The following GNAI1 variants were observed in gnomAD, a reference collection of about 807,000 sequenced individuals.
GNAI1 encodes the protein guanine nucleotide-binding protein G(i) subunit alpha-1.
Under a neutral mutation model 38.9 loss-of-function variants are expected in GNAI1, and 11 were observed. The ratio of observed to expected loss-of-function variants is 0.28; its 90% CI spans 0.18 to 0.47. GNAI1 has a LOEUF of 0.47. GNAI1 is among the 20% of genes least tolerant of loss of function. The pLI is 0.99. For synonymous variants in GNAI1, 166 were observed against 145.1 expected (o/e 1.14, Z -1.04); for missense variants, 317 against 436.9 (o/e 0.73, Z 2.45).
intron 3 of GNAI1, among the ~76,000 whole-genome samples, chr7:80,189,542 G>A (rs759390537): frequency 3.5e-4 from 54 of 152,134 alleles, no homozygotes; most frequent in Non-Finnish European, 5.7e-4. Flanking sequence ...TTTTAGTACT[G>A]AGTAAACTGC....
chr7:80,135,565 C>A (rs1302187009), intron 1 of GNAI1: 1 of 325,510 alleles, frequency 3.1e-6, no homozygotes, highest in Admixed American at 5.1e-5. Context: ...TCCGAGGCGG[C>A]GGGTCGCGTG....
At chr7:80,214,440 A>G (rs1387066311) in intron 7 of GNAI1, among the ~76,000 whole-genome samples, 4 of 152,196 alleles carry the variant, frequency 2.6e-5, no homozygotes, top group Non-Finnish European at 1.5e-5. Context: ...TAAATATTGT[A>G]TACCTACGGG....
chr7:80,222,200 G>T lies in GNAI1; in HGVS notation c.*4707G>T, dbSNP rs762859494. ...GCACAGACAGGAATCAGCTGCAATT[G>T]TCCAAGCCAGAGCTGATTAGGCCTC... is the stretch of plus-strand genomic sequence containing the variant. On this transcript the variant is annotated 3_prime_UTR_variant, in exon 8 of 8. Transcript: ENST00000649796. 1.1e-4 allele frequency among the ~76,000 whole-genome samples: 16 copies of T among 151,916 alleles called. No homozygotes were observed. The highest frequency in any genetic ancestry group is 2.2e-4 in the Non-Finnish European group (15 of 67,960).
chr7:80,136,032 T>TG, intron 1 of GNAI1: 1 of 985,542 alleles, frequency 1.0e-6, no homozygotes, highest in Non-Finnish European at 1.2e-6. Context: ...AACAGGGTTC[T>TG]GTCTCCGCTG....
chr7:80,179,961 A>G lies in GNAI1; in HGVS notation c.119-8990A>G, dbSNP rs1788260860. Among the ~76,000 whole-genome samples, 2 of 152,142 alleles carry G rather than the reference A, an allele frequency of 1.3e-5. 1 individual carries two copies. The highest frequency in any genetic ancestry group is 4.2e-4 in the South Asian group (2 of 4,818). ...ATTTTTTGCCGTAGAAGGAGACATT[A>G]TCTGTATCTTCTTGTCTCTGCAAAT... is the stretch of plus-strand genomic sequence containing the variant. On this transcript the variant is annotated intron_variant, in intron 1 of 7. Coordinates refer to ENST00000649796, the MANE Select transcript of GNAI1 (RefSeq NM_002069.6).
chr7:80,137,317 CTTTTT>C (rs398005254), intron 1 of GNAI1, among the ~76,000 whole-genome samples: 1 of 53,996 alleles, frequency 1.9e-5, no homozygotes, highest in African/African-American at 6.8e-5. Flanking sequence ...CTTTTCTTTT[CTTTTT>C]TTTTTTTTTT....
intron 1 of GNAI1, among the ~76,000 whole-genome samples, chr7:80,166,006 C>T (rs1788005339): frequency 6.6e-6 from 1 of 152,026 alleles, no homozygotes; most frequent in Non-Finnish European, 1.5e-5. Context: ...TTTGCTTAAT[C>T]TTTGTTTATT....
chr7:80,142,853 A>ATAAT (rs3039920), intron 1 of GNAI1, among the ~76,000 whole-genome samples: 137,328 of 151,988 alleles, frequency 0.9, 62,822 homozygotes, highest in Non-Finnish European at 0.97. Context: ...TTCTTGGTAA[A>ATAAT]TAAGTGGTAG....
intron 1 of GNAI1, among the ~76,000 whole-genome samples, chr7:80,167,955 G>T (rs1339082419): frequency 6.6e-6 from 1 of 152,194 alleles, no homozygotes; most frequent in Admixed American, 6.5e-5. Flanking sequence ...TAGGTCATTA[G>T]CAAATTGTGC....
intron 1 of GNAI1, chr7:80,135,860 C>T (rs1304413927): frequency 6.1e-6 from 6 of 985,072 alleles, no homozygotes; most frequent in Non-Finnish European, 6.0e-6. Flanking sequence ...TGATTACATT[C>T]CCCCTGCGCT....
At chr7:80,198,363 T>C (rs1378468388) in intron 3 of GNAI1, among the ~76,000 whole-genome samples, 1 of 152,144 alleles carries the variant, frequency 6.6e-6, no homozygotes, top group Non-Finnish European at 1.5e-5. Flanking sequence ...TTAAAAAATG[T>C]AGCTATTAGA....
intron 1 of GNAI1, among the ~76,000 whole-genome samples, chr7:80,147,745 GTAAT>G (rs1388688881): frequency 6.6e-6 from 1 of 152,144 alleles, no homozygotes; most frequent in Non-Finnish European, 1.5e-5. Context: ...TTAGTGATAA[GTAAT>G]TGCAAAATAA....
intron 4 of GNAI1, among the ~76,000 whole-genome samples, chr7:80,202,251 A>T (rs769829225): frequency 6.6e-6 from 1 of 151,794 alleles, no homozygotes; most frequent in Non-Finnish European, 1.5e-5. Context: ...CACCACGTCC[A>T]GCTGATTTTT....
In GNAI1 at chr7:80,221,451, TTGAA is replaced by T. The variant is rs747657854; in HGVS notation, c.*3963_*3966del. 2.0e-5 allele frequency among the ~76,000 whole-genome samples: 3 copies of T among 152,052 alleles called. No homozygotes were observed. The highest frequency in any genetic ancestry group is 4.4e-5 in the Non-Finnish European group (3 of 68,012). On this transcript the variant is annotated 3_prime_UTR_variant, in exon 8 of 8. Coordinates refer to ENST00000649796, the MANE Select transcript of GNAI1 (RefSeq NM_002069.6). Reference sequence around the variant, plus strand: ...TAACAAATGGTTGTTGATACGTGCTTTGAATGAAATGCCTCAAAAACAAAACTCT... The same window carrying T: ...TAACAAATGGTTGTTGATACGTGCTTTGAAATGCCTCAAAAACAAAACTCT...
At chr7:80,178,158 T>C (rs527834127) in intron 1 of GNAI1, among the ~76,000 whole-genome samples, 1 of 152,322 alleles carries the variant, frequency 6.6e-6, no homozygotes, top group East Asian at 1.9e-4. Context: ...CCTGAAGATG[T>C]GAATGCAATA....
chr7:80,199,082 GAGAA>G (rs1334273199), intron 3 of GNAI1, 139 bp from the exon 4 acceptor site: 3 of 560,962 alleles, frequency 5.3e-6, no homozygotes, highest in Non-Finnish European at 9.1e-6. Context: ...TGGTGGCTTA[GAGAA>G]AGAAAAGTAA....
chr7:80,206,408 G>A (rs907846576), intron 5 of GNAI1, among the ~76,000 whole-genome samples: 10 of 151,560 alleles, frequency 6.6e-5, no homozygotes, highest in South Asian at 2.1e-4. Context: ...TACTGAAATC[G>A]TTTAACTTCT....
In GNAI1 at chr7:80,226,156, T is replaced by G. The variant is rs1029998988; in HGVS notation, c.*8663T>G. Among the ~76,000 whole-genome samples the G allele has an allele frequency of 1.3e-5, 2 of 152,116 alleles. No individual in the cohort carries two copies. The highest frequency in any genetic ancestry group is 2.9e-5 in the Non-Finnish European group (2 of 68,020). ...TTGTCTTTTGGTTTAAAATTATGTA[T>G]CCAATAAAGACATTTAAAAAGTAAA... On this transcript the variant is annotated 3_prime_UTR_variant, in exon 8 of 8. Transcript: ENST00000649796.
At chr7:80,203,869 A>T in intron 5 of GNAI1, 37 bp downstream of exon 5, 1 of 1,142,578 alleles carries the variant, frequency 8.8e-7, no homozygotes, top group Non-Finnish European at 1.3e-6. Context: ...CTAAATTTAG[A>T]TAAAAACACA....
Sources: gnomAD v4.1 joint callset for allele counts (sites outside exome capture counted in the v4.1 genomes callset) on GRCh38, gnomAD v4.1.1 for gene constraint, MANE v1.5 for transcripts, NCBI Gene and HGNC (gene_info 2026-07-23, HGNC 2026-07-21) for gene names.